Variants in SNX29 observed in about 807,000 individuals in gnomAD.
The protein encoded by SNX29 is sorting nexin 29, also known as sorting nexin-29.
SNX29 carries 78 observed loss-of-function variants against 102.1 expected under a neutral mutation model. That is an observed-to-expected ratio of 0.76 (90% CI 0.64 to 0.92). SNX29 has a LOEUF of 0.92. Ranked by LOEUF, SNX29 falls within the 40% of genes least tolerant of loss-of-function variation. The pLI is 0.00. For synonymous variants in SNX29, 580 were observed against 414.5 expected, an observed-to-expected ratio of 1.40 and a Z score of -4.85; for missense variants, 1,280 against 1,061.7, an observed-to-expected ratio of 1.21 and a Z score of -2.86.
chr16:12,240,323 G>C lies in SNX29; in HGVS notation c.1679-37610G>C, dbSNP rs1490184469. Among the ~76,000 whole-genome samples the C allele has an allele frequency of 2.0e-5, 3 of 152,318 alleles. No homozygotes were observed. In the South Asian group the frequency reaches 6.2e-4, roughly 32 times the overall value. Reference sequence around the variant, plus strand: ...ACATGTATTGACGCCAGCTGTGTATGAGTATGCCTGTCAGGCCTCACCCTC... The same window carrying C: ...ACATGTATTGACGCCAGCTGTGTATCAGTATGCCTGTCAGGCCTCACCCTC... On this transcript the variant is annotated intron_variant, in intron 14 of 20. Transcript: ENST00000566228.
intron 18 of SNX29, among the ~76,000 whole-genome samples, chr16:12,474,423 A>C (rs112704411): frequency 0.032 from 4,812 of 152,226 alleles, 251 homozygotes; most frequent in African/African-American, 0.11. Flanking sequence ...TGGCCTAAAC[A>C]TGAAACATGC....
intron 20 of SNX29, among the ~76,000 whole-genome samples, chr16:12,537,815 C>T (rs755813996): frequency 2.6e-5 from 4 of 151,900 alleles, no homozygotes; most frequent in Non-Finnish European, 5.9e-5. Context: ...AGAGGTGTGT[C>T]CACAGCATAT....
chr16:12,361,117 T>G (rs765537533), intron 16 of SNX29, among the ~76,000 whole-genome samples: 2 of 152,190 alleles, frequency 1.3e-5, no homozygotes, highest in African/African-American at 2.4e-5. Context: ...CTACCTCCTC[T>G]GAGAAAGGAC....
intron 4 of SNX29, 32 bp downstream of exon 4, chr16:12,027,476 GCTTGT>G (rs1178416943): frequency 6.2e-7 from 1 of 1,611,068 alleles, no homozygotes; most frequent in African/African-American, 1.3e-5. Context: ...GCTTGGAGGA[GCTTGT>G]CTTCCTTCTG....
intron 20 of SNX29, among the ~76,000 whole-genome samples, chr16:12,563,525 A>G (rs924544094): frequency 6.6e-6 from 1 of 152,188 alleles, no homozygotes; most frequent in Non-Finnish European, 1.5e-5. Context: ...CATGTGAAAA[A>G]TTGAGTTGTC....
intron 8 of SNX29, among the ~76,000 whole-genome samples, chr16:12,061,193 A>G (rs1003936657): frequency 1.3e-5 from 2 of 152,206 alleles, no homozygotes; most frequent in African/African-American, 4.8e-5. Flanking sequence ...TGCCATTTAC[A>G]GCTTCTTGCA....
At chr16:12,564,241 C>G (rs988065935) in intron 20 of SNX29, among the ~76,000 whole-genome samples, 5 of 152,128 alleles carry the variant, frequency 3.3e-5, no homozygotes, top group Admixed American at 6.5e-5. Context: ...AAAAAAATCT[C>G]TACTCAGTTC....
intron 20 of SNX29, among the ~76,000 whole-genome samples, chr16:12,542,217 C>G (rs942353784): frequency 2.0e-5 from 3 of 152,126 alleles, no homozygotes; most frequent in Non-Finnish European, 4.4e-5. Context: ...GAATCTGCAA[C>G]TCAGAGGGAT....
chr16:12,401,319 A>G (rs2083931168), intron 17 of SNX29, among the ~76,000 whole-genome samples: 1 of 152,068 alleles, frequency 6.6e-6, no homozygotes, highest in Non-Finnish European at 1.5e-5. Flanking sequence ...TTAAAAATTG[A>G]AATCATCCAA....
intron 18 of SNX29, among the ~76,000 whole-genome samples, chr16:12,416,280 T>C (rs1487932866): frequency 2.0e-5 from 3 of 152,086 alleles, no homozygotes; most frequent in Non-Finnish European, 4.4e-5. Flanking sequence ...GGGGCTTGTC[T>C]CGGGGCACCG....
intron 3 of SNX29, among the ~76,000 whole-genome samples, chr16:12,016,952 C>A (rs2056867408): frequency 6.6e-6 from 1 of 151,804 alleles, no homozygotes; most frequent in African/African-American, 2.4e-5. Flanking sequence ...CATAGTGAGA[C>A]CCCTGTCTTT....
intron 12 of SNX29, among the ~76,000 whole-genome samples, chr16:12,128,882 T>C (rs1156701664): frequency 1.3e-5 from 2 of 152,194 alleles, no homozygotes; most frequent in African/African-American, 4.8e-5. Flanking sequence ...AGCACCATGG[T>C]TGGCTCTCTC....
chr16:11,986,622 A>G (rs935778848), intron 1 of SNX29, among the ~76,000 whole-genome samples: 6 of 152,244 alleles, frequency 3.9e-5, no homozygotes, highest in Middle Eastern at 3.2e-3. Context: ...TTGAAAAGGC[A>G]GCATAGCATT....
chr16:12,445,261 A>AG (rs2085997680), intron 18 of SNX29, among the ~76,000 whole-genome samples: 1 of 152,146 alleles, frequency 6.6e-6, no homozygotes, highest in Non-Finnish European at 1.5e-5. Flanking sequence ...GTGAGTCTTT[A>AG]GGACAGAGCC....
chr16:11,998,027 T>C (rs553668852), intron 1 of SNX29, among the ~76,000 whole-genome samples: 1 of 152,170 alleles, frequency 6.6e-6, no homozygotes, highest in Non-Finnish European at 1.5e-5. Context: ...GTTCCTGGCA[T>C]GTAGGATGCG....
chr16:12,565,092 C>T (rs376864612), intron 20 of SNX29, among the ~76,000 whole-genome samples: 5 of 152,068 alleles, frequency 3.3e-5, no homozygotes, highest in Non-Finnish European at 5.9e-5. Context: ...ATGGGGTCGT[C>T]TTCTCTTCTG....
chr16:12,288,327 T>G (rs2079667673), intron 15 of SNX29, among the ~76,000 whole-genome samples: 1 of 152,088 alleles, frequency 6.6e-6, no homozygotes, highest in African/African-American at 2.4e-5. Flanking sequence ...ACCCAATGAC[T>G]CAAAAGTTAA....
intron 3 of SNX29, among the ~76,000 whole-genome samples, chr16:12,017,130 A>T (rs1168229578): frequency 6.6e-6 from 1 of 152,216 alleles, no homozygotes; most frequent in African/African-American, 2.4e-5. Flanking sequence ...CCCTATCTCA[A>T]CAACAGCAAC....
chr16:12,365,147 A>G (rs1434721547), intron 16 of SNX29, among the ~76,000 whole-genome samples: 3 of 151,886 alleles, frequency 2.0e-5, no homozygotes, highest in Non-Finnish European at 4.4e-5. Flanking sequence ...CTCACTCTTT[A>G]TTTTATGTTT....
Sources: gnomAD v4.1 joint callset for allele counts (sites outside exome capture counted in the v4.1 genomes callset) on GRCh38, gnomAD v4.1.1 for gene constraint, MANE v1.5 for transcripts, NCBI Gene and HGNC (gene_info 2026-07-23, HGNC 2026-07-21) for gene names.